OC90: variants seen among roughly 807,000 people sequenced by gnomAD.
The protein encoded by OC90 is otoconin-90.
In OC90, 46 loss-of-function variants were observed where a neutral mutation model predicts 47.3. That is an observed-to-expected ratio of 0.97 (90% confidence interval 0.77 to 1.24). OC90 has a LOEUF of 1.24. Ranked by LOEUF, OC90 falls within the 50% of genes most tolerant of loss-of-function variation. The probability of loss-of-function intolerance (pLI) is 0.00; values close to 1 mark genes in which losing one functional copy is unlikely to be tolerated. For synonymous variants in OC90, 271 were observed against 219.5 expected (o/e 1.23, Z -2.07); for missense variants, 688 against 583.9 (o/e 1.18, Z -1.84).
In OC90 at chr8:132,024,601, C is replaced by A; in HGVS notation, c.1314G>T (p.Leu438=). ...CGCTGTCCTCCTCAGAGCTGGAGCC[C>A]AGGGTGGGGGCTGCGGGCACAGGGT... The part of the protein sequence containing the change: ...SLHPVPAAPT[L]GSSSEEDSEE... The change falls in exon 14 of 14, where the codon CTG becomes CTT. Residue 438 remains leucine, a synonymous_variant. Coordinates refer to ENST00000254627, the MANE Select transcript of OC90 (RefSeq NM_001080399.3). 6.2e-7 allele frequency: 1 copy of A among 1,613,574 alleles called. No homozygotes were observed.
At chr8:132,036,569 T>C (rs1161407344) in intron 9 of OC90, among the ~76,000 whole-genome samples, 2 of 152,112 alleles carry the variant, frequency 1.3e-5, no homozygotes, top group African/African-American at 4.8e-5. Context: ...TTCACCAAGG[T>C]CTCAATTCAG....
At chr8:132,031,351 C>T (rs1370684147) in intron 12 of OC90, among the ~76,000 whole-genome samples, 1 of 152,278 alleles carries the variant, frequency 6.6e-6, no homozygotes, top group Admixed American at 6.5e-5. Context: ...CGAATGAATA[C>T]ATTAATAAGT....
intron 12 of OC90, among the ~76,000 whole-genome samples, chr8:132,030,744 G>T (rs1822861160): frequency 6.6e-6 from 1 of 152,214 alleles, no homozygotes; most frequent in Non-Finnish European, 1.5e-5. Flanking sequence ...GGCTGACTGT[G>T]CAACAGAGCC....
In OC90 at chr8:132,029,187, C is replaced by A; in HGVS notation, c.1032-8G>T. ...TGATGGGACAAGCAGCACCTAAGAC[C>A]AAGGAAAACCCTTTACTTCTCAGAG... On this transcript the variant is annotated splice_polypyrimidine_tract_variant and splice_region_variant and intron_variant, in intron 12 of 13. Coordinates refer to ENST00000254627, the MANE Select transcript of OC90 (RefSeq NM_001080399.3). 1 of 1,607,606 alleles carries A rather than the reference C, an allele frequency of 6.2e-7. No individual in the cohort carries two copies. The highest frequency in any genetic ancestry group is 1.1e-5 in the South Asian group (1 of 90,950).
chr8:132,031,829 C>G (rs1822879177), intron 12 of OC90, 52 bp downstream of exon 12: 6 of 1,502,112 alleles, frequency 4.0e-6, no homozygotes, highest in East Asian at 2.3e-5. Context: ...CCCTCTGGTG[C>G]AGACAGCATC....
intron 2 of OC90, chr8:132,049,801 A>T (rs769274810): frequency 1.9e-6 from 1 of 517,038 alleles, no homozygotes; most frequent in Non-Finnish European, 3.9e-6. Flanking sequence ...TTAATGAACA[A>T]TTACCTGTTG....
intron 2 of OC90, among the ~76,000 whole-genome samples, chr8:132,054,737 T>C (rs1391509783): frequency 1.3e-5 from 2 of 152,242 alleles, no homozygotes; most frequent in Non-Finnish European, 2.9e-5. Context: ...TAAACACTTA[T>C]AATCGTAGAG....
intron 1 of OC90, among the ~76,000 whole-genome samples, chr8:132,058,151 G>A (rs1823299556): frequency 6.6e-6 from 1 of 152,226 alleles, no homozygotes; most frequent in Admixed American, 6.5e-5. Flanking sequence ...GAAGGTGCCA[G>A]TTAGAAGCAC....
rs1823042097 is a variant in OC90, at chr8:132,040,913, G to GTGCTGCCAACGA, written c.457+119_457+130dup. ...TGATCCAGCCCTCGTGGGGCTCTAA[G>GTGCTGCCAACGA]TGCTGCCAACGATGCTGCCAGTGGT... On this transcript the variant is annotated intron_variant, in intron 6 of 13. Transcript: ENST00000254627. 6.0e-6 allele frequency: 4 copies of GTGCTGCCAACGA among 662,448 alleles called. No individual in the cohort carries two copies. The Admixed American group carries it at 9.5e-5, about 16-fold the overall frequency. 41.0% of individuals were successfully genotyped at this position (662,448 alleles called of 1,614,324 possible). A position where few individuals can be genotyped will look rare whatever the true frequency, so the allele number is the denominator to read the frequency against.
intron 11 of OC90, 32 bp downstream of exon 11, chr8:132,033,007 C>G (rs1368518590): frequency 6.3e-7 from 1 of 1,598,614 alleles, no homozygotes; most frequent in East Asian, 2.3e-5. Flanking sequence ...AAGATCCCAG[C>G]AGCGGAGAGG....
chr8:132,039,209 T>A, intron 6 of OC90, 86 bp from the exon 7 acceptor site: 1 of 1,425,616 alleles, frequency 7.0e-7, no homozygotes, highest in East Asian at 2.5e-5. Flanking sequence ...GAGTTCCTCA[T>A]CTCCCCTGCC....
chr8:132,040,916 C>T, intron 6 of OC90, 128 bp downstream of exon 6: 1 of 666,276 alleles, frequency 1.5e-6, no homozygotes, highest in Non-Finnish European at 2.7e-6. Context: ...GCTCTAAGTG[C>T]TGCCAACGAT....
intron 1 of OC90, among the ~76,000 whole-genome samples, chr8:132,056,254 G>T (rs1823277846): frequency 1.3e-5 from 2 of 152,130 alleles, no homozygotes; most frequent in Admixed American, 1.3e-4. Flanking sequence ...TTCTCCCAGA[G>T]ACCAAGACTG....
At position 132,024,744 on chromosome 8, in the gene OC90, A is replaced by T; in HGVS notation, c.1171T>A (p.Cys391Ser). ...GGQSLCEKLL[C>S]ACDQTAAECM... The stretch of plus-strand genomic sequence containing the variant: ...TCAGCTGCCGTCTGGTCACAGGCAC[A>T]GAGCAACTTCTCACACAGGCTTTGG... Residue 391 changes from cysteine to serine, a missense_variant, in exon 14 of 14, where the codon TGT (cysteine) becomes AGT (serine). Coordinates refer to ENST00000254627, the MANE Select transcript of OC90 (RefSeq NM_001080399.3). 6.2e-7 allele frequency: 1 copy of T among 1,613,842 alleles called. No individual in the cohort carries two copies. The highest frequency in any genetic ancestry group is 1.7e-5 in the Admixed American group (1 of 60,002).
At chr8:132,038,229 T>C (rs1485536987) in intron 8 of OC90, among the ~76,000 whole-genome samples, 2 of 152,224 alleles carry the variant, frequency 1.3e-5, no homozygotes, top group Middle Eastern at 3.2e-3. Flanking sequence ...CTTAGTTCAG[T>C]GAACAGTTAT....
rs1211257319 is a variant in OC90, at chr8:132,033,254, T to G, written c.734-90A>C. Reference sequence around the variant, plus strand: ...CATACGAAAGCCAAATGCAAACAGATAGAACAACATAGTGTTAGGAGAATG... The same window carrying G: ...CATACGAAAGCCAAATGCAAACAGAGAGAACAACATAGTGTTAGGAGAATG... On this transcript the variant is annotated intron_variant, in intron 10 of 13. Transcript: ENST00000254627. 3.2e-6 allele frequency: 4 copies of G among 1,263,066 alleles called. No homozygotes were observed. In the African/African-American group the frequency reaches 5.9e-5, roughly 19 times the overall value. 78.2% of individuals were successfully genotyped at this position (1,263,066 alleles called of 1,614,324 possible).
intron 2 of OC90, among the ~76,000 whole-genome samples, chr8:132,052,355 T>C (rs1397796052): frequency 1.3e-5 from 2 of 152,244 alleles, no homozygotes. Flanking sequence ...ATCAGCGTAA[T>C]AACCAGCAGC....
intron 1 of OC90, among the ~76,000 whole-genome samples, chr8:132,057,480 C>A (rs945750263): frequency 6.6e-6 from 1 of 152,036 alleles, no homozygotes; most frequent in Non-Finnish European, 1.5e-5. Flanking sequence ...TTTATTTTTG[C>A]AATAAGTTAT....
intron 10 of OC90, among the ~76,000 whole-genome samples, chr8:132,033,499 A>C (rs1822907809): frequency 6.6e-6 from 1 of 152,206 alleles, no homozygotes; most frequent in African/African-American, 2.4e-5. Context: ...GCTCACAGCA[A>C]GTGAAGAGGT....
Sources: gnomAD v4.1 joint callset for allele counts (sites outside exome capture counted in the v4.1 genomes callset) on GRCh38, gnomAD v4.1.1 for gene constraint, MANE v1.5 for transcripts, NCBI Gene and HGNC (gene_info 2026-07-23, HGNC 2026-07-21) for gene names.